KIAA1549: variants seen among roughly 807,000 people sequenced by gnomAD.
KIAA1549 encodes UPF0606 protein KIAA1549.
Under a neutral mutation model 156.4 loss-of-function variants are expected in KIAA1549, and 70 were observed. The ratio of observed to expected loss-of-function variants is 0.45; its 90% CI spans 0.37 to 0.55. KIAA1549 has a LOEUF of 0.55. Among genes scored for constraint, KIAA1549 ranks in the 20% least tolerant of loss-of-function variants. The pLI is 0.00. For missense variants in KIAA1549, 2,428 were observed against 2,540.9 expected, an observed-to-expected ratio of 0.96 and a Z score of 0.96; for synonymous variants, 1,103 against 1,066.4, an observed-to-expected ratio of 1.03 and a Z score of -0.67.
Position 138,859,618 on chromosome 7 carries a change from G to A in KIAA1549, c.5247+1521C>T, listed in dbSNP as rs558162485. ...CCAAACTCCATTTCTTCAACTCAGG[G>A]AGACCACAGAGCTCTGCCTGGGGTC... is the stretch of plus-strand genomic sequence containing the variant. On this transcript the variant is annotated intron_variant, in intron 16 of 19. Coordinates refer to ENST00000422774, the MANE Select transcript of KIAA1549 (RefSeq NM_001164665.2). Among the ~76,000 whole-genome samples the A allele has an allele frequency of 3.2e-3, 482 of 152,104 alleles. 5 individuals carry two copies. The highest frequency in any genetic ancestry group is 0.011 in the African/African-American group (466 of 41,482).
intron 10 of KIAA1549, among the ~76,000 whole-genome samples, chr7:138,888,386 C>A (rs1406751670): frequency 1.3e-5 from 2 of 152,222 alleles, no homozygotes; most frequent in Non-Finnish European, 2.9e-5. Flanking sequence ...TGATTGATTA[C>A]TGGATACTGC....
intron 16 of KIAA1549, among the ~76,000 whole-genome samples, chr7:138,853,268 T>C (rs1367562785): frequency 6.6e-6 from 1 of 152,220 alleles, no homozygotes; most frequent in Non-Finnish European, 1.5e-5. Context: ...ATTTACTGAA[T>C]TAGTATTTTG....
At chr7:138,902,560 G>C (rs1451570121) in intron 8 of KIAA1549, among the ~76,000 whole-genome samples, 1 of 152,144 alleles carries the variant, frequency 6.6e-6, no homozygotes, top group Non-Finnish European at 1.5e-5. Context: ...GTGAGTATGG[G>C]CATTTTTAAA....
intron 1 of KIAA1549, among the ~76,000 whole-genome samples, chr7:138,956,338 C>G (rs1340225648): frequency 6.6e-6 from 1 of 152,082 alleles, no homozygotes; most frequent in Non-Finnish European, 1.5e-5. Flanking sequence ...AAAAAGAAGC[C>G]CAGCTTTATG....
intron 3 of KIAA1549, 118 bp from the exon 4 acceptor site, chr7:138,911,441 C>T (rs1049475015): frequency 1.9e-5 from 14 of 733,210 alleles, no homozygotes; most frequent in East Asian, 1.1e-4. Flanking sequence ...TAGTGCATCA[C>T]GGATAATCAA....
intron 19 of KIAA1549, among the ~76,000 whole-genome samples, chr7:138,839,737 A>AC (rs763902095): frequency 0.012 from 1,553 of 132,662 alleles, 21 homozygotes; most frequent in African/African-American, 0.036. Flanking sequence ...TTAAAAAGGG[A>AC]CCCCCCCCAA....
At chr7:138,924,461 G>A (rs552634726) in intron 1 of KIAA1549, among the ~76,000 whole-genome samples, 6 of 152,190 alleles carry the variant, frequency 3.9e-5, no homozygotes, top group South Asian at 2.1e-4. Flanking sequence ...ATAAAATAAC[G>A]AAGAAGAGCA....
At chr7:138,933,181 C>T (rs969242848) in intron 1 of KIAA1549, among the ~76,000 whole-genome samples, 2 of 152,154 alleles carry the variant, frequency 1.3e-5, no homozygotes, top group Non-Finnish European at 2.9e-5. Flanking sequence ...AGTTTCACTG[C>T]ATGAGGCAGG....
rs1814126459 is a variant in KIAA1549 at position 138,968,877 on chromosome 7, A to C, written c.187+12206T>G. On this transcript the variant is annotated intron_variant, in intron 1 of 19. Coordinates refer to ENST00000422774, the MANE Select transcript of KIAA1549 (RefSeq NM_001164665.2). ...TCCGTCTCAAAAAAAAAAAAAAAAAAAAACACCTTGTGCTCCAATAATATT... is the reference window on the plus strand; with the variant it reads ...TCCGTCTCAAAAAAAAAAAAAAAAACAAACACCTTGTGCTCCAATAATATT... 5.3e-5 allele frequency among the ~76,000 whole-genome samples: 8 copies of C among 150,828 alleles called. No homozygotes were observed. The South Asian group carries it at 1.7e-3, about 32-fold the overall frequency.
At position 138,883,139 on chromosome 7, in the gene KIAA1549, G is replaced by C. The variant is rs570918849; in HGVS notation, c.4033-1555C>G. ...AAAATTCAGCCAGACATGGTATGGTGGTGCACACCTGTAATCCCAGCTACT... is the reference window on the plus strand; with the variant it reads ...AAAATTCAGCCAGACATGGTATGGTCGTGCACACCTGTAATCCCAGCTACT... On this transcript the variant is annotated intron_variant, in intron 10 of 19. Transcript: ENST00000422774. 1.1e-3 allele frequency among the ~76,000 whole-genome samples: 157 copies of C among 147,770 alleles called. 1 individual carries two copies. Among genetic ancestry groups the C allele is most frequent in the African/African-American group, 3.1e-3 (123 of 39,464 alleles).
intron 1 of KIAA1549, among the ~76,000 whole-genome samples, chr7:138,979,604 G>A (rs1243805181): frequency 6.6e-6 from 1 of 152,214 alleles, no homozygotes; most frequent in Non-Finnish European, 1.5e-5. Context: ...ATGAATCCAC[G>A]AGTATCAGAT....
At position 138,917,825 on chromosome 7, in the gene KIAA1549, A is replaced by C. The variant is rs755133116; in HGVS notation, c.1801T>G (p.Ser601Ala). 6.3e-7 allele frequency: 1 copy of C among 1,598,438 alleles called. No individual in the cohort carries two copies. Among genetic ancestry groups the C allele is most frequent in the African/African-American group, 1.3e-5 (1 of 74,804 alleles). The change falls in exon 2 of 20, where the codon TCA (serine) becomes GCA (alanine). Residue 601 changes from serine (S) to alanine (A), a missense_variant. This residue lies in a region of KIAA1549 where 893 missense variants were observed against 847.9 expected (regional missense o/e 1.05). Coordinates refer to ENST00000422774, the MANE Select transcript of KIAA1549 (RefSeq NM_001164665.2). Reference protein sequence around the residue: ...PYSLVPSVESSLFSDQERSSF... With the variant: ...PYSLVPSVESALFSDQERSSF... ...GAACGTTCTTGGTCAGAGAAAAGTG[A>C]AGACTCCACTGAAGGAACCAGACTA...
chr7:138,958,084 G>A (rs142284160), intron 1 of KIAA1549, among the ~76,000 whole-genome samples: 12 of 152,160 alleles, frequency 7.9e-5, no homozygotes, highest in South Asian at 4.1e-4. Context: ...GTCTTTCCTC[G>A]TCTTTGCACG....
rs572854047 is a variant in KIAA1549 at position 138,835,680 on chromosome 7, C to T, written c.*2226G>A. ...TATCTGAAATTCTTAATAACATATT[C>T]AGGAAACCTGGTATTTTTGAGTGAC... On this transcript the variant is annotated 3_prime_UTR_variant, in exon 20 of 20. Coordinates refer to ENST00000422774, the MANE Select transcript of KIAA1549 (RefSeq NM_001164665.2). The T allele has an allele frequency of 2.7e-5, 6 of 218,254 alleles. 1 individual carries two copies. The South Asian group carries it at 9.3e-4, about 34-fold the overall frequency. The allele number at this position is 218,254 out of a possible 1,614,324, so 13.5% of individuals were successfully genotyped here.
intron 9 of KIAA1549, among the ~76,000 whole-genome samples, 187 bp from the exon 10 acceptor site, chr7:138,894,713 G>C (rs1042892320): frequency 6.6e-6 from 1 of 152,160 alleles, no homozygotes; most frequent in Non-Finnish European, 1.5e-5. Flanking sequence ...GTTACATCTA[G>C]AATACATCAG....
intron 16 of KIAA1549, among the ~76,000 whole-genome samples, chr7:138,860,304 C>T (rs150664700): frequency 1.6e-3 from 246 of 152,340 alleles, no homozygotes; most frequent in African/African-American, 5.6e-3. Flanking sequence ...CTGAAGGAGA[C>T]AATCTCTTGC....
rs115805309 is a variant in KIAA1549 at position 138,873,419 on chromosome 7, T to C, written c.4346-2057A>G. ...GCAGCTACTCAAGTTGCAGGCATAA[T>C]GCCTAAAAGGAGATCATGAGCTTCT... On this transcript the variant is annotated intron_variant, in intron 12 of 19. Transcript: ENST00000422774. Among the ~76,000 whole-genome samples, 1,105 of 152,210 alleles carry C rather than the reference T, an allele frequency of 7.3e-3. 14 individuals carry two copies. Among genetic ancestry groups the C allele is most frequent in the African/African-American group, 0.026 (1,066 of 41,526 alleles).
At chr7:138,894,707 C>T (rs1811637043) in intron 9 of KIAA1549, among the ~76,000 whole-genome samples, 181 bp from the exon 10 acceptor site, 2 of 152,172 alleles carry the variant, frequency 1.3e-5, no homozygotes, top group African/African-American at 2.4e-5. Context: ...TACAATGTTA[C>T]ATCTAGAATA....
intron 16 of KIAA1549, among the ~76,000 whole-genome samples, chr7:138,855,954 A>G (rs980680208): frequency 6.6e-6 from 1 of 152,096 alleles, no homozygotes; most frequent in African/African-American, 2.4e-5. Flanking sequence ...ACCTGATTTT[A>G]TCTGTGCCCA....
Sources: allele counts gnomAD v4.1 joint callset (sites outside exome capture counted in the v4.1 genomes callset), GRCh38; gene constraint gnomAD v4.1.1; regional missense constraint gnomAD v4.1.1; transcripts MANE v1.5; gene names NCBI Gene and HGNC (gene_info 2026-07-23, HGNC 2026-07-21).